Variants in LRP2 observed in about 807,000 individuals in gnomAD.
LRP2 encodes the protein low-density lipoprotein receptor-related protein 2.
In LRP2, 172 loss-of-function variants were observed where a neutral mutation model predicts 531.0. That is an observed-to-expected ratio of 0.32 (90% CI 0.29 to 0.37). The LOEUF (loss-of-function observed/expected upper bound fraction) is 0.37. Ranked by LOEUF, LRP2 falls within the 10% of genes least tolerant of loss-of-function variation. The pLI is 1.00. For missense variants in LRP2, 5,167 were observed against 5,868.3 expected, an observed-to-expected ratio of 0.88 and a Z score of 3.90; for synonymous variants, 1,992 against 2,027.6, an observed-to-expected ratio of 0.98 and a Z score of 0.47.
chr2:169,242,749 T>A (rs1432638938), intron 24 of LRP2, among the ~76,000 whole-genome samples: 1 of 152,184 alleles, frequency 6.6e-6, no homozygotes, highest in East Asian at 1.9e-4. Context: ...ATTTGAAGTG[T>A]CCATTTATAC....
At position 169,243,916 on chromosome 2, in the gene LRP2, G is replaced by C. The variant is rs1355335237; in HGVS notation, c.3431-394C>G. ...GACCCACATGCCTAGTAGCAACAGTGTGTAGACAGACCCCCAAAACTGGAT... is the reference window on the plus strand; with the variant it reads ...GACCCACATGCCTAGTAGCAACAGTCTGTAGACAGACCCCCAAAACTGGAT... On this transcript the variant is annotated intron_variant, in intron 22 of 78. Coordinates refer to ENST00000649046, the MANE Select transcript of LRP2 (RefSeq NM_004525.3). Among the ~76,000 whole-genome samples, 3 of 152,188 alleles carry C rather than the reference G, an allele frequency of 2.0e-5. No individual in the cohort carries two copies. The East Asian group carries it at 5.8e-4, about 29-fold the overall frequency.
chr2:169,184,057 T>C (rs1188247727), intron 50 of LRP2, among the ~76,000 whole-genome samples: 1 of 152,078 alleles, frequency 6.6e-6, no homozygotes, highest in Non-Finnish European at 1.5e-5. Context: ...TCTCTTCTGA[T>C]AAAGAACACA....
At chr2:169,241,403 T>C in intron 24 of LRP2, 38 bp from the exon 25 acceptor site, 1 of 1,611,048 alleles carries the variant, frequency 6.2e-7, no homozygotes, top group Non-Finnish European at 8.5e-7. Context: ...CTTGTGAATG[T>C]AATTTGTGAT....
chr2:169,294,288 G>A, intron 5 of LRP2, 27 bp from the exon 6 acceptor site: 1 of 1,332,032 alleles, frequency 7.5e-7, no homozygotes. Flanking sequence ...AGAAGGGAAA[G>A]AAAAGAGAGA....
chr2:169,162,710 C>T (rs530526814), intron 62 of LRP2, 110 bp from the exon 63 acceptor site: 180 of 1,133,924 alleles, frequency 1.6e-4, no homozygotes, highest in Middle Eastern at 8.3e-4. Flanking sequence ...TGCTTCCCTA[C>T]ATTTCCCAGT....
rs371277503 is a variant in LRP2 at position 169,154,512 on chromosome 2, C to T, written c.12243G>A (p.Glu4081=). 2.1e-4 allele frequency: 333 copies of T among 1,612,732 alleles called. No individual in the cohort carries two copies. Among genetic ancestry groups the T allele is most frequent in the Non-Finnish European group, 2.5e-4 (300 of 1,178,982 alleles). The stretch of plus-strand genomic sequence containing the variant: ...CATAATCAACAGCTTGGATATATTC[C>T]TCATCTTGAAGATACTCTGAGAACC... ...SERFSEYLQD[E]EYIQAVDYDW... is the part of the protein sequence containing the mutation. Residue 4081 remains glutamate, a synonymous_variant, in exon 66 of 79, where the codon GAG becomes GAA. Coordinates refer to ENST00000649046, the MANE Select transcript of LRP2 (RefSeq NM_004525.3).
At chr2:169,219,239 A>C (rs920545150) in intron 34 of LRP2, among the ~76,000 whole-genome samples, 8 of 152,200 alleles carry the variant, frequency 5.3e-5, no homozygotes, top group Admixed American at 5.2e-4. Flanking sequence ...TATTTGAAAC[A>C]GAGCGCTAAT....
Position 169,244,846 on chromosome 2 carries a change from C to T in LRP2, c.3277G>A (p.Val1093Met), listed in dbSNP as rs1016435929. 2 of 1,614,136 alleles carry T rather than the reference C, an allele frequency of 1.2e-6. No individual in the cohort carries two copies. The highest frequency in any genetic ancestry group is 8.5e-7 in the Non-Finnish European group (1 of 1,180,058). Reference sequence around the variant, plus strand: ...CAGTTGTGCTCATCACTGCCATCCACACAGTCGTTGCGTTTGTCACAGCGC... The same window carrying T: ...CAGTTGTGCTCATCACTGCCATCCATACAGTCGTTGCGTTTGTCACAGCGC... ...HWRCDKRNDCVDGSDEHNCPT... is the reference protein window; with the variant it reads ...HWRCDKRNDCMDGSDEHNCPT... The change falls in exon 22 of 79, where the codon GTG becomes ATG. Residue 1093 changes from valine to methionine, a missense_variant. Around this residue, in one of 6 missense-constraint regions of LRP2, gnomAD observed 2,811 missense variants for 3,058.0 expected, o/e 0.92. Transcript: ENST00000649046.
intron 19 of LRP2, among the ~76,000 whole-genome samples, chr2:169,251,558 C>T (rs1247974338): frequency 4.1e-5 from 1 of 24,584 alleles, no homozygotes; most frequent in Non-Finnish European, 6.5e-5. Flanking sequence ...AAAATTGACA[C>T]CCTAACATCA....
chr2:169,285,265 C>A (rs1641770293), intron 9 of LRP2, among the ~76,000 whole-genome samples: 1 of 150,776 alleles, frequency 6.6e-6, no homozygotes, highest in African/African-American at 2.4e-5. Context: ...CACTGCACTC[C>A]AGCCTGGGCG....
intron 64 of LRP2, among the ~76,000 whole-genome samples, chr2:169,156,698 A>G (rs1234242269): frequency 6.6e-6 from 1 of 152,222 alleles, no homozygotes; most frequent in Non-Finnish European, 1.5e-5. Flanking sequence ...ATGACTCTGC[A>G]ATAGCAGAGC....
At position 169,190,596 on chromosome 2, in the gene LRP2, T is replaced by C. The variant is rs577446328; in HGVS notation, c.9032+1236A>G. Among the ~76,000 whole-genome samples the C allele has an allele frequency of 1.5e-3, 223 of 152,270 alleles. 1 individual carries two copies. The highest frequency in any genetic ancestry group is 4.8e-3 in the African/African-American group (200 of 41,528). ...CTGCTTCTCTGATCTTGTGCCTACT[T>C]AGTATATCTTTCCCACTGTCTTCCT... On this transcript the variant is annotated intron_variant, in intron 48 of 78. Transcript: ENST00000649046.
chr2:169,284,787 C>G (rs932973078), intron 9 of LRP2, among the ~76,000 whole-genome samples: 1 of 152,178 alleles, frequency 6.6e-6, no homozygotes, highest in Admixed American at 6.5e-5. Context: ...CCACCTAAGG[C>G]TTTGCCTCAG....
In LRP2 at chr2:169,294,131, T is replaced by A. The variant is rs2105472188; in HGVS notation, c.652+17A>T. On this transcript the variant is annotated intron_variant, in intron 6 of 78. Transcript: ENST00000649046. ...ACACTCCCAACAACATGACCCAGCA[T>A]AAAGAAATCACCGTACTGCAAGCAT... The A allele has an allele frequency of 1.3e-6, 2 of 1,547,900 alleles. No homozygotes were observed. The highest frequency in any genetic ancestry group is 1.8e-6 in the Non-Finnish European group (2 of 1,120,022).
chr2:169,148,654 A>C (rs1315970509), intron 68 of LRP2, among the ~76,000 whole-genome samples: 1 of 152,240 alleles, frequency 6.6e-6, no homozygotes, highest in Non-Finnish European at 1.5e-5. Context: ...AATTCAATTT[A>C]ATTTAAATTA....
At chr2:169,239,445 A>C (rs1207212037) in intron 26 of LRP2, 82 bp downstream of exon 26, 1 of 1,611,512 alleles carries the variant, frequency 6.2e-7, no homozygotes, top group South Asian at 1.1e-5. Flanking sequence ...CCTAATCAAC[A>C]TTGTCAAATA....
intron 4 of LRP2, among the ~76,000 whole-genome samples, chr2:169,298,652 T>C (rs970145386): frequency 6.6e-6 from 1 of 152,036 alleles, no homozygotes; most frequent in Admixed American, 6.6e-5. Context: ...CAGTTTCCCA[T>C]CCACATTAGG....
chr2:169,224,174 G>A (rs1332259702), intron 33 of LRP2, among the ~76,000 whole-genome samples: 2 of 152,232 alleles, frequency 1.3e-5, no homozygotes, highest in Non-Finnish European at 2.9e-5. Context: ...CTCATCTTCA[G>A]TATCTTTCTG....
At chr2:169,154,690 C>T (rs1686269722) in intron 65 of LRP2, 87 bp from the exon 66 acceptor site, 2 of 1,198,718 alleles carry the variant, frequency 1.7e-6, no homozygotes, top group African/African-American at 3.0e-5. Context: ...ATGTACCTGT[C>T]CCCTTTTTAA....
Sources: allele counts gnomAD v4.1 joint callset (sites outside exome capture counted in the v4.1 genomes callset), GRCh38; gene constraint gnomAD v4.1.1; regional missense constraint gnomAD v4.1.1; transcripts MANE v1.5; gene names NCBI Gene and HGNC (gene_info 2026-07-23, HGNC 2026-07-21).